The following NPC1L1 variants were observed in gnomAD, a reference collection of about 807,000 sequenced individuals.
The protein encoded by NPC1L1 is NPC1 like intracellular cholesterol transporter 1, also known as NPC1-like intracellular cholesterol transporter 1.
A neutral mutation model predicts 117.0 loss-of-function variants in NPC1L1; 98 were observed. That is an observed-to-expected ratio of 0.84 (90% CI 0.71 to 0.99). The LOEUF (loss-of-function observed/expected upper bound fraction) is 0.99, where lower values mean the gene tolerates loss of function less well. Among genes scored for constraint, NPC1L1 ranks in the 50% least tolerant of loss-of-function variants. The probability of loss-of-function intolerance (pLI) is 0.00; values close to 1 mark genes in which losing one functional copy is unlikely to be tolerated. For missense variants in NPC1L1, 1,540 were observed against 1,710.0 expected (o/e 0.90, Z 1.75); for synonymous variants, 729 against 727.6 (o/e 1.00, Z -0.03).
At chr7:44,514,789 G>A (rs1336298916) in intron 18 of NPC1L1, among the ~76,000 whole-genome samples, 1 of 151,422 alleles carries the variant, frequency 6.6e-6, no homozygotes, top group Non-Finnish European at 1.5e-5. Context: ...ATCACCTGAG[G>A]TCAGGAGTTC....
intron 10 of NPC1L1, among the ~76,000 whole-genome samples, chr7:44,524,315 C>T (rs1585135156): frequency 1.3e-5 from 2 of 152,234 alleles, no homozygotes; most frequent in Middle Eastern, 3.4e-3. Context: ...CCAGAGCTAC[C>T]ACATTATAAG....
chr7:44,533,998 C>T, intron 6 of NPC1L1, 145 bp from the exon 7 acceptor site: 3 of 698,866 alleles, frequency 4.3e-6, no homozygotes, highest in East Asian at 2.7e-5. Flanking sequence ...GACTCTCATA[C>T]TCTCCATGGC....
Position 44,532,654 on chromosome 7 carries a change from C to T in NPC1L1, c.2410-437G>A, listed in dbSNP as rs551328849. 1.3e-3 allele frequency among the ~76,000 whole-genome samples: 205 copies of T among 152,352 alleles called. 2 individuals are homozygous for T. Among genetic ancestry groups the T allele is most frequent in the African/African-American group, 4.8e-3 (200 of 41,578 alleles). On this transcript the variant is annotated intron_variant, in intron 8 of 18. Coordinates refer to ENST00000381160, the MANE Select transcript of NPC1L1 (RefSeq NM_001101648.2). ...TGAATAGTAAATAGATTTTCTCTTC[C>T]TTATGATTTTCTTACTAACATTTTC...
At chr7:44,525,746 T>A (rs562497997) in intron 10 of NPC1L1, among the ~76,000 whole-genome samples, 10 of 152,056 alleles carry the variant, frequency 6.6e-5, no homozygotes, top group East Asian at 5.8e-4. Flanking sequence ...ATAAGTTTTT[T>A]AAAAAATAGA....
rs1801805604 is a variant in NPC1L1, at chr7:44,534,506, G to A, written c.2107C>T (p.Pro703Ser). Residue 703 changes from proline to serine, a missense_variant, in exon 6 of 19, where the codon CCT becomes TCT. This residue lies in a region of NPC1L1 where 742 missense variants were observed against 873.6 expected (regional missense o/e 0.85). Coordinates refer to ENST00000381160, the MANE Select transcript of NPC1L1 (RefSeq NM_001101648.2). The surrounding 1 kb of genome is among the most constrained non-coding windows in gnomAD (Gnocchi z 5.2). ...GCCCCCACGGACAGCACCAGGAAAG[G>A]AACCACTTGCAGGATGACCAGGGAG... ...RSSLVILQVV[P>S]FLVLSVGADN... 2.5e-6 allele frequency: 4 copies of A among 1,614,048 alleles called. No individual in the cohort carries two copies. In the African/African-American group the frequency reaches 5.3e-5, roughly 22 times the overall value.
chr7:44,522,595 G>T (rs1003209775), intron 10 of NPC1L1, among the ~76,000 whole-genome samples: 1 of 152,080 alleles, frequency 6.6e-6, no homozygotes, highest in Admixed American at 6.5e-5. Context: ...CACACTCAGG[G>T]GTACCCTCAA....
intron 10 of NPC1L1, among the ~76,000 whole-genome samples, chr7:44,523,598 GCTTACA>G (rs1801424424): frequency 6.6e-6 from 1 of 152,132 alleles, no homozygotes; most frequent in African/African-American, 2.4e-5. Flanking sequence ...GGGCATGATG[GCTTACA>G]CTTGTAATTT....
Position 44,539,350 on chromosome 7 carries a change from A to G in NPC1L1, c.1047T>C (p.Ala349=). Residue 349 remains alanine, a synonymous_variant, in exon 2 of 19, where the codon GCT becomes GCC. Coordinates refer to ENST00000381160, the MANE Select transcript of NPC1L1 (RefSeq NM_001101648.2). The surrounding 1 kb of genome is among the most constrained non-coding windows in gnomAD (Gnocchi z 4.4). Reference sequence around the variant, plus strand: ...GCACCAAGATGGTCAGAGGCCACGAAGCCACCCACGTGCCCCAGCCCTGGA... The same window carrying G: ...GCACCAAGATGGTCAGAGGCCACGAGGCCACCCACGTGCCCCAGCCCTGGA... ...QFFQGWGTWV[A]SWPLTILVLS... The G allele has an allele frequency of 6.2e-7, 1 of 1,613,440 alleles. No homozygotes were observed. The highest frequency in any genetic ancestry group is 1.3e-5 in the African/African-American group (1 of 75,034).
In NPC1L1 at chr7:44,539,466, T is replaced by G. The variant is rs1200369387; in HGVS notation, c.931A>C (p.Arg311=). ...GGGTCCACCATCTTGCTTTTGTCCC[T>G]GGCGGGGGCCACACGGAATCCCACA... is the stretch of plus-strand genomic sequence containing the variant. The part of the protein sequence containing the change: ...LLVGFRVAPA[R]DKSKMVDPKK... Residue 311 remains arginine, a synonymous_variant, in exon 2 of 19, where the codon AGG becomes CGG. Coordinates refer to ENST00000381160, the MANE Select transcript of NPC1L1 (RefSeq NM_001101648.2). The surrounding 1 kb of genome is among the most constrained non-coding windows in gnomAD (Gnocchi z 4.4). 1 of 1,613,916 alleles carries G rather than the reference T, an allele frequency of 6.2e-7. No individual in the cohort carries two copies. The highest frequency in any genetic ancestry group is 1.3e-5 in the African/African-American group (1 of 74,928).
chr7:44,513,893 C>T (rs11767718), intron 18 of NPC1L1, among the ~76,000 whole-genome samples: 21,024 of 152,104 alleles, frequency 0.14, 1,885 homozygotes, highest in Non-Finnish European at 0.21. Flanking sequence ...CCCTGGATAT[C>T]CTTTGTCCAA....
rs749867074 is a variant in NPC1L1, at chr7:44,516,196, G to A, written c.3521C>T (p.Ala1174Val). The A allele has an allele frequency of 1.4e-5, 22 of 1,599,982 alleles. No individual in the cohort carries two copies. Among genetic ancestry groups the A allele is most frequent in the Middle Eastern group, 1.7e-4 (1 of 6,024 alleles). Residue 1174 changes from alanine (A) to valine (V), a missense_variant and splice_region_variant, in exon 17 of 19, where the codon GCG (alanine) becomes GTG (valine). Ala to Val is a moderately conservative substitution (Grantham distance 64, BLOSUM62 0). This residue lies in a region of NPC1L1 where 742 missense variants were observed against 873.6 expected (regional missense o/e 0.85). Transcript: ENST00000381160. ...NAVSLINLVSAVGMSVEFVSH... is the reference protein window; with the variant it reads ...NAVSLINLVSVVGMSVEFVSH... ...CACAAACTCCACAGACATGCCCACC[G>A]CCTATGGGCAGAGAGGGGGCATAAG...
At chr7:44,528,476 T>C (rs777822919) in intron 10 of NPC1L1, among the ~76,000 whole-genome samples, 5 of 152,198 alleles carry the variant, frequency 3.3e-5, no homozygotes, top group Non-Finnish European at 7.3e-5. Flanking sequence ...AGAGTTTTTG[T>C]ATGCTATGGA....
chr7:44,521,776 C>G lies in NPC1L1; in HGVS notation c.2889G>C (p.Pro963=), dbSNP rs144720939. 6.2e-7 allele frequency: 1 copy of G among 1,613,954 alleles called. No individual in the cohort carries two copies. The highest frequency in any genetic ancestry group is 1.3e-5 in the African/African-American group (1 of 74,888). The part of the protein sequence containing the change: ...WVDDFIDWLT[P]SSCCRLYISG... ...ATATATAAAGGCGGCAGCAGGAGGA[C>G]GGGGTCAGCCAGTCAATGAAGTCAT... The change falls in exon 12 of 19, where the codon CCG becomes CCC. Residue 963 remains proline, a synonymous_variant. Coordinates refer to ENST00000381160, the MANE Select transcript of NPC1L1 (RefSeq NM_001101648.2).
intron 10 of NPC1L1, among the ~76,000 whole-genome samples, chr7:44,529,873 A>C (rs1266527363): frequency 1.3e-5 from 2 of 151,270 alleles, no homozygotes; most frequent in Non-Finnish European, 2.9e-5. Flanking sequence ...GTCTCTACTA[A>C]AAGTACAAAA....
At position 44,536,201 on chromosome 7, in the gene NPC1L1, T is replaced by A; in HGVS notation, c.1854+55A>T. 1 of 1,608,778 alleles carries A rather than the reference T, an allele frequency of 6.2e-7. No homozygotes were observed. The highest frequency in any genetic ancestry group is 1.1e-5 in the South Asian group (1 of 90,920). On this transcript the variant is annotated intron_variant, in intron 4 of 18. Transcript: ENST00000381160. The surrounding 1 kb of genome is among the most constrained non-coding windows in gnomAD (Gnocchi z 4.7). ...AGGGCCAGGATGGGGACACAGGAAC[T>A]GACCCAAGACCACCTGGGTTGCACC...
intron 10 of NPC1L1, among the ~76,000 whole-genome samples, chr7:44,524,796 G>A (rs924894708): frequency 1.3e-5 from 2 of 151,850 alleles, no homozygotes; most frequent in African/African-American, 4.8e-5. Context: ...TTGCCTTAAA[G>A]TTGCTCAAAG....
At position 44,540,270 on chromosome 7, in the gene NPC1L1, G is replaced by A; in HGVS notation, c.127C>T (p.Pro43Ser). The change falls in exon 2 of 19, where the codon CCA (proline) becomes TCA (serine). Residue 43 changes from proline (P) to serine (S), a missense_variant. Coordinates refer to ENST00000381160, the MANE Select transcript of NPC1L1 (RefSeq NM_001101648.2). ...CAFYDECGKN[P>S]ELSGSLMTLS... ...GTCATGAGGCTTCCAGACAGCTCTG[G>A]GTTCTTCCCACATTCGTCATAGAAG... 2 of 1,614,078 alleles carry A rather than the reference G, an allele frequency of 1.2e-6. No individual in the cohort carries two copies. Among genetic ancestry groups the A allele is most frequent in the Non-Finnish European group, 1.7e-6 (2 of 1,180,026 alleles).
In NPC1L1 at chr7:44,540,120, C is replaced by T. The variant is rs752229761; in HGVS notation, c.277G>A (p.Ala93Thr). The T allele has an allele frequency of 1.9e-6, 3 of 1,613,964 alleles. No homozygotes were observed. Among genetic ancestry groups the T allele is most frequent in the African/African-American group, 1.3e-5 (1 of 74,884 alleles). The stretch of plus-strand genomic sequence containing the variant: ...GCTTCCAGTGATACCAGCTGCTTGG[C>T]GGAGCAGCAGGCTTGGGTGTTGGGG... ...TGPNTQACCS[A>T]KQLVSLEASL... The change falls in exon 2 of 19, where the codon GCC (alanine) becomes ACC (threonine). Residue 93 changes from alanine (A) to threonine (T), a missense_variant. Around this residue, in one of 3 missense-constraint regions of NPC1L1, gnomAD observed 793 missense variants for 820.4 expected, o/e 0.97. Transcript: ENST00000381160.
chr7:44,529,115 ACACACACACAC>A (rs1801618102), intron 10 of NPC1L1, among the ~76,000 whole-genome samples: 1 of 270 alleles, frequency 3.7e-3, no homozygotes, highest in African/African-American at 5.5e-3. Context: ...AATTAAACAC[ACACACACACAC>A]ACACACACAC....
Sources: gnomAD v4.1 joint callset for allele counts (sites outside exome capture counted in the v4.1 genomes callset) on GRCh38, gnomAD v4.1.1 for gene constraint, gnomAD v4.1.1 regional missense constraint, Gnocchi (gnomAD v3.1) non-coding constraint, MANE v1.5 for transcripts, NCBI Gene and HGNC (gene_info 2026-07-23, HGNC 2026-07-21) for gene names.